Variants in KIF18A observed in about 807,000 individuals in gnomAD.
KIF18A encodes the protein kinesin family member 18A, also known as kinesin-like protein KIF18A.
Under a neutral mutation model 103.3 loss-of-function variants are expected in KIF18A, and 67 were observed. The observed-to-expected ratio is 0.65, with a 90% CI of 0.53 to 0.79. The LOEUF (loss-of-function observed/expected upper bound fraction) is 0.79, where lower values mean the gene tolerates loss of function less well. KIF18A is among the 30% of genes least tolerant of loss of function. The probability of loss-of-function intolerance (pLI) is 0.00; values close to 1 mark genes in which losing one functional copy is unlikely to be tolerated. For synonymous variants in KIF18A, 367 were observed against 355.5 expected (o/e 1.03, Z -0.36); for missense variants, 1,032 against 1,062.5 (o/e 0.97, Z 0.40).
intron 13 of KIF18A, among the ~76,000 whole-genome samples, chr11:28,047,703 C>A (rs1471566202): frequency 2.6e-5 from 4 of 151,966 alleles, no homozygotes; most frequent in Non-Finnish European, 5.9e-5. Context: ...AGAGTAATAA[C>A]ATATATAATA....
At chr11:28,060,131 T>C (rs1229764397) in intron 12 of KIF18A, among the ~76,000 whole-genome samples, 1 of 152,178 alleles carries the variant, frequency 6.6e-6, no homozygotes, top group African/African-American at 2.4e-5. Flanking sequence ...GACCTCTGTG[T>C]AAGTGTTCAT....
chr11:28,106,084 T>TCA lies in KIF18A; in HGVS notation c.-47+1979_-47+1980insTG, dbSNP rs1376951935. 8.5e-5 allele frequency among the ~76,000 whole-genome samples: 13 copies of TCA among 152,328 alleles called. No homozygotes were observed. The East Asian group carries it at 2.5e-3, about 29-fold the overall frequency. ...AAAGTACTATAATAAATTTAATTCA[T>TCA]TGATTGTATTCACTGATACGTTCAT... On this transcript the variant is annotated intron_variant, in intron 1 of 16. Coordinates refer to ENST00000263181, the MANE Select transcript of KIF18A (RefSeq NM_031217.4).
At chr11:28,034,413 C>CT (rs1045113785) in intron 15 of KIF18A, among the ~76,000 whole-genome samples, 5 of 151,708 alleles carry the variant, frequency 3.3e-5, no homozygotes, top group Admixed American at 1.3e-4. Context: ...AAGAACTGGC[C>CT]TATTTCTAGG....
At chr11:28,095,547 T>A (rs746201138) in intron 2 of KIF18A, among the ~76,000 whole-genome samples, 60 of 152,332 alleles carry the variant, frequency 3.9e-4, no homozygotes, top group South Asian at 1.0e-3. Context: ...AGGCCATGTA[T>A]CCTTATCACC....
intron 13 of KIF18A, among the ~76,000 whole-genome samples, chr11:28,057,799 T>C (rs879641385): frequency 6.6e-6 from 1 of 152,170 alleles, no homozygotes; most frequent in Non-Finnish European, 1.5e-5. Context: ...AATTAAATTA[T>C]GGTACATCTA....
rs187885402 is a variant in KIF18A at position 28,092,325 on chromosome 11, T to C, written c.484-812A>G. On this transcript the variant is annotated intron_variant, in intron 3 of 16. Coordinates refer to ENST00000263181, the MANE Select transcript of KIF18A (RefSeq NM_031217.4). ...GGTATTTGTTTCGGTTATCCTTCAA[T>C]TACATTAATTTTGACATATAATTAC... Among the ~76,000 whole-genome samples, 173 of 152,254 alleles carry C rather than the reference T, an allele frequency of 1.1e-3. 1 individual carries two copies. In the Middle Eastern group the frequency reaches 0.017, roughly 15 times the overall value.
intron 1 of KIF18A, among the ~76,000 whole-genome samples, chr11:28,098,424 A>G (rs1057115859): frequency 3.9e-5 from 6 of 152,230 alleles, no homozygotes; most frequent in African/African-American, 1.4e-4. Context: ...CCAGAACCAT[A>G]TCAAGGTATG....
Position 28,036,526 on chromosome 11 carries a change from A to G in KIF18A, c.2087T>C (p.Leu696Pro), listed in dbSNP as rs1850493120. Residue 696 changes from leucine (L) to proline (P), a missense_variant, in exon 14 of 17, where the codon CTT (leucine) becomes CCT (proline). Coordinates refer to ENST00000263181, the MANE Select transcript of KIF18A (RefSeq NM_031217.4). ...PSQSVQLNDSLSKELQPIVYT... is the reference protein window; with the variant it reads ...PSQSVQLNDSPSKELQPIVYT... ...TACAATAGGCTGAAGTTCTTTGCTA[A>G]GAGAATCATTGAGCTGCACACTTTG... The G allele has an allele frequency of 6.2e-7, 1 of 1,611,446 alleles. No individual in the cohort carries two copies. Among genetic ancestry groups the G allele is most frequent in the African/African-American group, 1.3e-5 (1 of 74,854 alleles).
intron 13 of KIF18A, among the ~76,000 whole-genome samples, chr11:28,041,574 A>T (rs1850561592): frequency 6.6e-6 from 1 of 151,722 alleles, no homozygotes; most frequent in Non-Finnish European, 1.5e-5. Context: ...ATTTATTCCA[A>T]GTGTAAAGGG....
chr11:28,085,078 A>C (rs1227944069), intron 6 of KIF18A, among the ~76,000 whole-genome samples: 5 of 152,160 alleles, frequency 3.3e-5, no homozygotes, highest in Admixed American at 3.3e-4. Context: ...TTGCATTACG[A>C]ATATAACCTA....
intron 15 of KIF18A, among the ~76,000 whole-genome samples, chr11:28,030,685 T>A (rs1163237016): frequency 1.3e-5 from 2 of 150,568 alleles, no homozygotes; most frequent in Non-Finnish European, 3.0e-5. Context: ...ACAAATGGGA[T>A]CTAATTAAAC....
chr11:28,057,020 T>C (rs1307663100), intron 13 of KIF18A: 3 of 236,652 alleles, frequency 1.3e-5, no homozygotes, highest in Non-Finnish European at 1.7e-5. Context: ...TGATCAATTA[T>C]TGCTCAACAT....
chr11:28,091,848 C>T lies in KIF18A; in HGVS notation c.484-335G>A, dbSNP rs779544904. 3.3e-5 allele frequency among the ~76,000 whole-genome samples: 5 copies of T among 152,206 alleles called. No individual in the cohort carries two copies. In the South Asian group the frequency reaches 8.3e-4, roughly 25 times the overall value. ...TTTCTTTTTTTTTGAGACGGAGTCT[C>T]GCTGTCTCCCAGGCTGGAGTACAGT... On this transcript the variant is annotated intron_variant, in intron 3 of 16. Transcript: ENST00000263181.
intron 13 of KIF18A, chr11:28,056,894 G>T: frequency 2.6e-6 from 1 of 379,958 alleles, no homozygotes; most frequent in Non-Finnish European, 5.2e-6. Context: ...GCTCACATAA[G>T]AAAAATGGAC....
rs1851397575 is a variant in KIF18A at position 28,097,969 on chromosome 11, T to G, written c.-22A>C. On this transcript the variant is annotated 5_prime_UTR_variant, in exon 2 of 17. Transcript: ENST00000263181. ...ACATTGTTGATTATCTTGATTCCTA[T>G]CTGTATAAATACTTGAATACTTCTC... 1 of 1,491,504 alleles carries G rather than the reference T, an allele frequency of 6.7e-7. No homozygotes were observed. Among genetic ancestry groups the G allele is most frequent in the African/African-American group, 1.4e-5 (1 of 70,930 alleles). 92.4% of individuals were successfully genotyped at this position (1,491,504 alleles called of 1,614,324 possible). A position where few individuals can be genotyped will look rare whatever the true frequency, so the allele number is the denominator to read the frequency against.
chr11:28,106,745 C>G (rs1254429238), intron 1 of KIF18A, among the ~76,000 whole-genome samples: 1 of 152,032 alleles, frequency 6.6e-6, no homozygotes, highest in Non-Finnish European at 1.5e-5. Flanking sequence ...CCGAGGCGGG[C>G]AGATGGCTTG....
chr11:28,089,390 G>A (rs1270403898), intron 5 of KIF18A, among the ~76,000 whole-genome samples: 1 of 152,078 alleles, frequency 6.6e-6, no homozygotes, highest in African/African-American at 2.4e-5. Flanking sequence ...GTAATAAGTA[G>A]GAGCATACTC....
intron 3 of KIF18A, among the ~76,000 whole-genome samples, chr11:28,093,007 C>T (rs1027230077): frequency 2.5e-4 from 38 of 152,156 alleles, no homozygotes; most frequent in African/African-American, 9.2e-4. Context: ...CACCCCAGAC[C>T]TACTAAATTA....
At chr11:28,086,657 T>A (rs1278258796) in intron 6 of KIF18A, among the ~76,000 whole-genome samples, 2 of 152,186 alleles carry the variant, frequency 1.3e-5, no homozygotes, top group Non-Finnish European at 2.9e-5. Flanking sequence ...TAGGTCCTAG[T>A]TCCCCCAATT....
Sources: allele counts gnomAD v4.1 joint callset (sites outside exome capture counted in the v4.1 genomes callset), GRCh38; gene constraint gnomAD v4.1.1; transcripts MANE v1.5; gene names NCBI Gene and HGNC (gene_info 2026-07-23, HGNC 2026-07-21).